The following ARL15 variants were observed in gnomAD, a reference collection of about 807,000 sequenced individuals.
The protein encoded by ARL15 is ARF like GTPase 15.
A neutral mutation model predicts 25.2 loss-of-function variants in ARL15; 19 were observed. The observed-to-expected ratio is 0.75, with a 90% CI of 0.53 to 1.10. The LOEUF (loss-of-function observed/expected upper bound fraction) is 1.10. ARL15 is among the 50% of genes least tolerant of loss of function. ARL15 has a pLI of 0.00. For missense variants in ARL15, 220 were observed against 246.0 expected, an observed-to-expected ratio of 0.89 and a Z score of 0.71; for synonymous variants, 94 against 86.8, an observed-to-expected ratio of 1.08 and a Z score of -0.46.
intron 4 of ARL15, among the ~76,000 whole-genome samples, chr5:54,049,724 G>A (rs568449503): frequency 6.6e-6 from 1 of 151,750 alleles, no homozygotes; most frequent in Non-Finnish European, 1.5e-5. Context: ...CCACCACCAC[G>A]CCTCACTAAT....
chr5:54,296,040 A>G (rs1217462327), intron 1 of ARL15, among the ~76,000 whole-genome samples: 2 of 152,224 alleles, frequency 1.3e-5, no homozygotes, highest in African/African-American at 4.8e-5. Flanking sequence ...AGCTGTAAGC[A>G]TAACTGGCCT....
intron 1 of ARL15, among the ~76,000 whole-genome samples, chr5:54,290,019 C>T (rs1007677976): frequency 4.6e-5 from 7 of 152,084 alleles, no homozygotes; most frequent in Admixed American, 1.3e-4. Flanking sequence ...TTGGTGTCTC[C>T]GCCTGCTGTC....
chr5:54,193,478 T>A (rs1189624845), intron 1 of ARL15, among the ~76,000 whole-genome samples: 1 of 152,108 alleles, frequency 6.6e-6, no homozygotes, highest in Non-Finnish European at 1.5e-5. Flanking sequence ...CTGCTTCCTA[T>A]CAGATCAGCT....
chr5:53,908,714 G>A (rs1032772274), intron 4 of ARL15, among the ~76,000 whole-genome samples: 1 of 152,132 alleles, frequency 6.6e-6, no homozygotes, highest in African/African-American at 2.4e-5. Context: ...CAACTTTAGG[G>A]TCATGCTGTT....
intron 1 of ARL15, among the ~76,000 whole-genome samples, chr5:54,226,621 C>A (rs1756524598): frequency 6.6e-6 from 1 of 151,758 alleles, no homozygotes; most frequent in Admixed American, 6.6e-5. Flanking sequence ...TAAAAATAAT[C>A]TTTCTTTAGA....
intron 4 of ARL15, among the ~76,000 whole-genome samples, chr5:53,993,390 C>T (rs1324456965): frequency 3.3e-5 from 5 of 152,076 alleles, no homozygotes; most frequent in Admixed American, 1.3e-4. Flanking sequence ...AGGAAGATCC[C>T]TTGGGCCCAG....
chr5:53,947,167 G>GGTGTGTGTGTGTGTGTGT (rs3222349), intron 4 of ARL15, among the ~76,000 whole-genome samples: 5 of 123,700 alleles, frequency 4.0e-5, no homozygotes, highest in South Asian at 3.1e-4. Flanking sequence ...AATAAATAAG[G>GGTGTGTGTGTGTGTGTGT]GTGTGTGTGT....
intron 1 of ARL15, among the ~76,000 whole-genome samples, chr5:54,202,819 G>T (rs532857864): frequency 6.6e-6 from 1 of 152,164 alleles, no homozygotes; most frequent in African/African-American, 2.4e-5. Flanking sequence ...TATTTACAAG[G>T]TTTCCTAAAG....
At chr5:54,246,804 A>G (rs1367547597) in intron 1 of ARL15, among the ~76,000 whole-genome samples, 1 of 27,212 alleles carries the variant, frequency 3.7e-5, no homozygotes, top group African/African-American at 7.2e-5. Context: ...GCATACACAC[A>G]CACACACACA....
intron 1 of ARL15, among the ~76,000 whole-genome samples, chr5:54,185,388 C>G (rs1457543952): frequency 6.6e-6 from 1 of 152,184 alleles, no homozygotes; most frequent in Admixed American, 6.6e-5. Flanking sequence ...CTTCTCCAAA[C>G]TCCCTGAGTA....
chr5:54,123,026 T>C (rs898175718), intron 3 of ARL15, among the ~76,000 whole-genome samples: 4 of 152,160 alleles, frequency 2.6e-5, no homozygotes, highest in Admixed American at 2.0e-4. Flanking sequence ...ATGTAAACTA[T>C]TTACCCATCG....
intron 2 of ARL15, among the ~76,000 whole-genome samples, chr5:54,170,568 T>A (rs1419732753): frequency 6.6e-6 from 1 of 152,058 alleles, no homozygotes; most frequent in African/African-American, 2.4e-5. Flanking sequence ...TTTCTAGGAG[T>A]TGCCAATCTG....
intron 3 of ARL15, among the ~76,000 whole-genome samples, chr5:54,146,913 T>C (rs1753928760): frequency 3.9e-5 from 6 of 152,100 alleles, no homozygotes. Flanking sequence ...AAACAAAAAT[T>C]AAGGTCAGGT....
chr5:54,147,440 A>C (rs987783258), intron 3 of ARL15, among the ~76,000 whole-genome samples: 3 of 152,176 alleles, frequency 2.0e-5, no homozygotes, highest in Non-Finnish European at 4.4e-5. Flanking sequence ...ATAAGAAAAT[A>C]ACAACAAGAA....
At position 53,966,387 on chromosome 5, in the gene ARL15, T is replaced by C. The variant is rs76580084; in HGVS notation, c.463-79674A>G. Among the ~76,000 whole-genome samples, 402 of 152,320 alleles carry C rather than the reference T, an allele frequency of 2.6e-3. 13 individuals carry two copies. The East Asian group carries it at 0.06, about 23-fold the overall frequency. On this transcript the variant is annotated intron_variant, in intron 4 of 4. Transcript: ENST00000504924. Reference sequence around the variant, plus strand: ...ATCTCTTCATCCGTATCCTTTGTAATGTCCTTCATAATAAAGCGGTAAATG... The same window carrying C: ...ATCTCTTCATCCGTATCCTTTGTAACGTCCTTCATAATAAAGCGGTAAATG...
intron 4 of ARL15, among the ~76,000 whole-genome samples, chr5:53,954,982 C>T (rs1747100102): frequency 1.3e-5 from 2 of 151,872 alleles, no homozygotes; most frequent in Admixed American, 6.6e-5. Flanking sequence ...GTGAAAGTCT[C>T]TATACTTCTT....
intron 3 of ARL15, among the ~76,000 whole-genome samples, chr5:54,129,476 C>A (rs1172200213): frequency 6.6e-6 from 1 of 151,962 alleles, no homozygotes. Flanking sequence ...GAGATAGCTA[C>A]AACAGAGACT....
intron 1 of ARL15, among the ~76,000 whole-genome samples, chr5:54,269,328 G>A (rs1431151501): frequency 1.3e-5 from 2 of 151,976 alleles, no homozygotes; most frequent in Non-Finnish European, 2.9e-5. Context: ...ATCCCCAGCA[G>A]AACTTCAATA....
At chr5:54,246,803 C>T (rs1023262174) in intron 1 of ARL15, among the ~76,000 whole-genome samples, 3 of 25,956 alleles carry the variant, frequency 1.2e-4, no homozygotes, top group South Asian at 2.8e-3. Flanking sequence ...TGCATACACA[C>T]ACACACACAC....
Sources: gnomAD v4.1 joint callset for allele counts (sites outside exome capture counted in the v4.1 genomes callset) on GRCh38, gnomAD v4.1.1 for gene constraint, MANE v1.5 for transcripts, NCBI Gene and HGNC (gene_info 2026-07-23, HGNC 2026-07-21) for gene names.